Variants in PRAMEF1 observed in about 807,000 individuals in gnomAD.
The protein encoded by PRAMEF1 is PRAME family member 1.
A neutral mutation model predicts 38.2 loss-of-function variants in PRAMEF1; 21 were observed. That is an observed-to-expected ratio of 0.55 (90% CI 0.39 to 0.79). The LOEUF is 0.79. PRAMEF1 is among the 30% of genes least tolerant of loss of function. PRAMEF1 has a pLI of 0.00. For missense variants in PRAMEF1, 497 were observed against 565.8 expected (o/e 0.88, Z 1.23); for synonymous variants, 200 against 229.0 (o/e 0.87, Z 1.14).
chr1:12,793,221 T>A lies in PRAMEF1; in HGVS notation c.-7T>A. 6.2e-7 allele frequency: 1 copy of A among 1,606,232 alleles called. No individual in the cohort carries two copies. Among genetic ancestry groups the A allele is most frequent in the Non-Finnish European group, 8.5e-7 (1 of 1,176,734 alleles). ...CTTCTAGAGATTTTCCTTGCAGATCTATCAGGATGAGCATCCAGGCCCCAC... is the reference window on the plus strand; with the variant it reads ...CTTCTAGAGATTTTCCTTGCAGATCAATCAGGATGAGCATCCAGGCCCCAC... On this transcript the variant is annotated 5_prime_UTR_variant, in exon 2 of 4. Coordinates refer to ENST00000332296, the MANE Select transcript of PRAMEF1 (RefSeq NM_023013.4).
chr1:12,794,638 C>T, intron 3 of PRAMEF1, 145 bp downstream of exon 3: 1 of 1,521,228 alleles, frequency 6.6e-7, no homozygotes, highest in Non-Finnish European at 8.9e-7. Context: ...TTGTCCCATT[C>T]AGTGTTCCAT....
Position 12,794,558 on chromosome 1 carries a change from T to G in PRAMEF1, c.866+65T>G. ...TAGCCTTGTTCTGTAACAGCAAACA[T>G]TAGAATGCATGTACTGTGTGCCAGC... is the stretch of plus-strand genomic sequence containing the variant. On this transcript the variant is annotated intron_variant, in intron 3 of 3. Transcript: ENST00000332296. 2.5e-6 allele frequency: 4 copies of G among 1,581,146 alleles called. 1 individual carries two copies. Among genetic ancestry groups the G allele is most frequent in the Non-Finnish European group, 3.5e-6 (4 of 1,154,814 alleles).
At chr1:12,791,782 C>T (rs1176066164) in intron 1 of PRAMEF1, among the ~76,000 whole-genome samples, 9 of 143,994 alleles carry the variant, frequency 6.3e-5, no homozygotes, top group Admixed American at 2.1e-4. Flanking sequence ...CCTTCAATTA[C>T]AGTTCATAGA....
chr1:12,795,554 G>T lies in PRAMEF1; in HGVS notation c.983G>T (p.Ser328Ile), dbSNP rs1292716918. ...SLGYLKHLNL[S>I]YVLLFRISLE... ...GGTTACCTAAAGCATCTGAATCTCA[G>T]CTACGTGCTGCTGTTCCGCATCAGT... Residue 328 changes from serine to isoleucine, a missense_variant, in exon 4 of 4, where the codon AGC (serine) becomes ATC (isoleucine). Transcript: ENST00000332296. 4 of 1,612,484 alleles carry T rather than the reference G, an allele frequency of 2.5e-6. No homozygotes were observed. The highest frequency in any genetic ancestry group is 3.4e-6 in the Non-Finnish European group (4 of 1,179,766).
At position 12,796,004 on chromosome 1, in the gene PRAMEF1, G is replaced by A. The variant is rs61775055; in HGVS notation, c.*8G>A. The A allele has an allele frequency of 6.5e-3, 10,275 of 1,570,942 alleles. 313 individuals carry two copies. The highest frequency in any genetic ancestry group is 0.05 in the African/African-American group (3,570 of 72,042). On this transcript the variant is annotated 3_prime_UTR_variant, in exon 4 of 4. Transcript: ENST00000332296. ...CTCCATCTTTGCTGCTAGGGAAGGCGTGCCCAGTGGGGTAGAGAAATCCAA... is the reference window on the plus strand; with the variant it reads ...CTCCATCTTTGCTGCTAGGGAAGGCATGCCCAGTGGGGTAGAGAAATCCAA...
Position 12,793,154 on chromosome 1 carries a change from A to G in PRAMEF1, c.-25-49A>G, listed in dbSNP as rs1639323485. The G allele has an allele frequency of 3.1e-6, 5 of 1,588,748 alleles. 1 individual carries two copies. The highest frequency in any genetic ancestry group is 3.4e-5 in the Admixed American group (2 of 58,486). ...TTCCTGGTACCAGTAGAAGCAGATG[A>G]TTGTCTTTGCCCTGAGAGTGACACA... is the stretch of plus-strand genomic sequence containing the variant. On this transcript the variant is annotated intron_variant, in intron 1 of 3. Coordinates refer to ENST00000332296, the MANE Select transcript of PRAMEF1 (RefSeq NM_023013.4).
chr1:12,796,249 CTG>C lies in PRAMEF1; in HGVS notation c.*257_*258del, dbSNP rs771503838. On this transcript the variant is annotated 3_prime_UTR_variant, in exon 4 of 4. Coordinates refer to ENST00000332296, the MANE Select transcript of PRAMEF1 (RefSeq NM_023013.4). ...GTGCTGGGATTACTGGCATGAGTGA[CTG>C]TGTCCAGGCCACATGCAACTTAAAG... The C allele has an allele frequency of 3.4e-6, 2 of 585,808 alleles. No homozygotes were observed. Among genetic ancestry groups the C allele is most frequent in the Admixed American group, 3.2e-5 (1 of 30,990 alleles). The allele number at this position is 585,808 out of a possible 1,614,324, so 36.3% of individuals were successfully genotyped here. A position where few individuals can be genotyped will look rare whatever the true frequency, so the allele number is the denominator to read the frequency against.
rs764829477 is a variant in PRAMEF1, at chr1:12,795,596, C to T, written c.1025C>T (p.Ala342Val). 6.2e-7 allele frequency: 1 copy of T among 1,612,032 alleles called. No homozygotes were observed. Among genetic ancestry groups the T allele is most frequent in the Non-Finnish European group, 8.5e-7 (1 of 1,179,800 alleles). ...LFRISLEPLG[A>V]LLEKIAASLK... ...CGCATCAGTCTTGAACCCCTCGGAG[C>T]TCTGCTGGAGAAAATTGCTGCCTCT... The change falls in exon 4 of 4, where the codon GCT (alanine) becomes GTT (valine). Residue 342 changes from alanine (A) to valine (V), a missense_variant. This residue lies in a region of PRAMEF1 where 470 missense variants were observed against 501.9 expected (regional missense o/e 0.94). Coordinates refer to ENST00000332296, the MANE Select transcript of PRAMEF1 (RefSeq NM_023013.4).
chr1:12,795,127 T>C (rs534921664), intron 3 of PRAMEF1, among the ~76,000 whole-genome samples: 1 of 151,482 alleles, frequency 6.6e-6, no homozygotes, highest in African/African-American at 2.4e-5. Context: ...TCAGTTGAGT[T>C]CTTTGTTCAC....
At chr1:12,793,540 G>T (rs1294283029) in intron 2 of PRAMEF1, 26 bp downstream of exon 2, 1 of 1,598,946 alleles carries the variant, frequency 6.3e-7, no homozygotes, top group East Asian at 2.3e-5. Flanking sequence ...AGGGCTGGTA[G>T]ATAGGGCTCA....
intron 1 of PRAMEF1, among the ~76,000 whole-genome samples, chr1:12,792,694 T>G (rs1639314207): frequency 6.6e-6 from 1 of 151,224 alleles, no homozygotes. Flanking sequence ...CTTAATTTTT[T>G]TATATTTAGT....
chr1:12,794,997 C>T (rs372909300), intron 3 of PRAMEF1: 27 of 1,315,514 alleles, frequency 2.1e-5, no homozygotes, highest in African/African-American at 1.4e-4. Context: ...TGCGTGCTTC[C>T]GGGATGGAGG....
chr1:12,793,220 C>G lies in PRAMEF1; in HGVS notation c.-8C>G. Reference sequence around the variant, plus strand: ...TCTTCTAGAGATTTTCCTTGCAGATCTATCAGGATGAGCATCCAGGCCCCA... The same window carrying G: ...TCTTCTAGAGATTTTCCTTGCAGATGTATCAGGATGAGCATCCAGGCCCCA... On this transcript the variant is annotated 5_prime_UTR_variant, in exon 2 of 4. In the 5' UTR this introduces an upstream ATG that the reference lacks. Coordinates refer to ENST00000332296, the MANE Select transcript of PRAMEF1 (RefSeq NM_023013.4). 1 of 1,606,796 alleles carries G rather than the reference C, an allele frequency of 6.2e-7. No homozygotes were observed. The highest frequency in any genetic ancestry group is 8.5e-7 in the Non-Finnish European group (1 of 1,177,138).
chr1:12,794,701 G>T, intron 3 of PRAMEF1: 2 of 1,432,812 alleles, frequency 1.4e-6, no homozygotes, highest in African/African-American at 1.4e-5. Context: ...GGCGTCACCT[G>T]GGGTAGAAGC....
rs1156808199 is a variant in PRAMEF1 at position 12,795,479 on chromosome 1, G to C, written c.908G>C (p.Gly303Ala). 6.2e-7 allele frequency: 1 copy of C among 1,612,194 alleles called. No individual in the cohort carries two copies. Among genetic ancestry groups the C allele is most frequent in the Non-Finnish European group, 8.5e-7 (1 of 1,179,098 alleles). The change falls in exon 4 of 4, where the codon GGC becomes GCC. Residue 303 changes from glycine (G) to alanine (A), a missense_variant. This residue lies in a region of PRAMEF1 where 470 missense variants were observed against 501.9 expected (regional missense o/e 0.94). Coordinates refer to ENST00000332296, the MANE Select transcript of PRAMEF1 (RefSeq NM_023013.4). ...NPLENLELTY[G>A]YLLEEDMKCL... is the part of the protein sequence containing the mutation. ...TTGGAGAACTTGGAATTAACTTATG[G>C]CTACCTATTGGAAGAAGACATGAAG...
intron 1 of PRAMEF1, 133 bp from the exon 2 acceptor site, chr1:12,793,070 A>G: frequency 1.6e-6 from 2 of 1,251,066 alleles, no homozygotes; most frequent in Non-Finnish European, 2.2e-6. Context: ...GCAATGGAAG[A>G]AAATTAATAA....
In PRAMEF1 at chr1:12,793,586, A is replaced by C. The variant is rs1352698539; in HGVS notation, c.287+72A>C. On this transcript the variant is annotated intron_variant, in intron 2 of 3. Coordinates refer to ENST00000332296, the MANE Select transcript of PRAMEF1 (RefSeq NM_023013.4). Reference sequence around the variant, plus strand: ...GAAAGAACAGCAGGGTCAGGCAGAGAAGTAGCCCAAGTGTGGCCCAGAGTC... The same window carrying C: ...GAAAGAACAGCAGGGTCAGGCAGAGCAGTAGCCCAAGTGTGGCCCAGAGTC... 6.5e-6 allele frequency: 10 copies of C among 1,544,812 alleles called. 1 individual carries two copies. The African/African-American group carries it at 1.2e-4, about 19-fold the overall frequency.
chr1:12,793,773 A>T (rs79468546), intron 2 of PRAMEF1, 142 bp from the exon 3 acceptor site: 1 of 1,411,426 alleles, frequency 7.1e-7, no homozygotes, highest in Admixed American at 2.2e-5. Flanking sequence ...AGTCAGAATC[A>T]AAAGGGAACA....
At chr1:12,792,029 AT>A (rs376417573) in intron 1 of PRAMEF1, among the ~76,000 whole-genome samples, 7 of 148,320 alleles carry the variant, frequency 4.7e-5, no homozygotes, top group South Asian at 2.2e-4. Context: ...TTTCTGGTTA[AT>A]TTTTTTTTTC....
Sources: allele counts gnomAD v4.1 joint callset (sites outside exome capture counted in the v4.1 genomes callset), GRCh38; gene constraint gnomAD v4.1.1; regional missense constraint gnomAD v4.1.1; transcripts MANE v1.5; gene names NCBI Gene and HGNC (gene_info 2026-07-23, HGNC 2026-07-21).